TEX261: variants seen among roughly 807,000 people sequenced by gnomAD.
The protein encoded by TEX261 is protein TEX261.
TEX261 carries 13 observed loss-of-function variants against 25.1 expected under a neutral mutation model. The ratio of observed to expected loss-of-function variants is 0.52; its 90% CI spans 0.34 to 0.82. The LOEUF (loss-of-function observed/expected upper bound fraction) is 0.82. TEX261 is among the 40% of genes least tolerant of loss of function. TEX261 has a pLI of 0.02. For missense variants in TEX261, 206 were observed against 243.2 expected (o/e 0.85, Z 1.02); for synonymous variants, 92 against 97.8 (o/e 0.94, Z 0.35).
chr2:70,989,081 G>A lies in TEX261; in HGVS notation c.373-64C>T, dbSNP rs1670252321. 15 of 1,418,144 alleles carry A rather than the reference G, an allele frequency of 1.1e-5. No individual in the cohort carries two copies. In the South Asian group the frequency reaches 1.5e-4, roughly 14 times the overall value. The allele number at this position is 1,418,144 out of a possible 1,614,324, so 87.8% of individuals were successfully genotyped here. A position where few individuals can be genotyped will look rare whatever the true frequency, so the allele number is the denominator to read the frequency against. On this transcript the variant is annotated intron_variant, in intron 4 of 5. Coordinates refer to ENST00000272438, the MANE Select transcript of TEX261 (RefSeq NM_144582.3). ...GTGCCAAGAGTGGGCTGGGTGTGGT[G>A]ACTGCGTGTTGGTCAAGAGTGCACA...
chr2:70,993,285 A>C (rs1334853709), intron 2 of TEX261, among the ~76,000 whole-genome samples: 1 of 152,262 alleles, frequency 6.6e-6, no homozygotes, highest in Admixed American at 6.5e-5. Flanking sequence ...TCTTAGGACA[A>C]ATCACTTGAT....
intron 4 of TEX261, chr2:70,989,451 G>C: frequency 2.3e-6 from 1 of 436,334 alleles, no homozygotes; most frequent in Non-Finnish European, 4.2e-6. Context: ...CCTGCCCTGT[G>C]AGGACTGTGT....
chr2:70,988,826 G>T, intron 5 of TEX261, 89 bp downstream of exon 5: 1 of 1,536,374 alleles, frequency 6.5e-7, no homozygotes. Flanking sequence ...TCCAACACAG[G>T]GCTAGATTCA....
intron 1 of TEX261, 104 bp downstream of exon 1, chr2:70,994,584 G>A (rs886399022): frequency 3.4e-6 from 5 of 1,486,810 alleles, no homozygotes; most frequent in Admixed American, 2.0e-5. Flanking sequence ...CGGGAGCGCC[G>A]GGCAGTGGTC....
intron 2 of TEX261, among the ~76,000 whole-genome samples, chr2:70,992,788 T>C (rs1553425782): frequency 2.0e-5 from 3 of 151,936 alleles, no homozygotes; most frequent in Non-Finnish European, 4.4e-5. Context: ...CATATATACA[T>C]ATATATGATT....
chr2:70,993,287 T>G (rs1304374311), intron 2 of TEX261, among the ~76,000 whole-genome samples: 2 of 152,310 alleles, frequency 1.3e-5, no homozygotes, highest in East Asian at 3.9e-4. Context: ...TTAGGACAAA[T>G]CACTTGATCC....
In TEX261 at chr2:70,989,052, G is replaced by A. The variant is rs781917191; in HGVS notation, c.373-35C>T. ...AGAGAGACTGAGAAGAGGGTGCCCC[G>A]GAGGTGCCAAGAGTGGGCTGGGTGT... is the stretch of plus-strand genomic sequence containing the variant. On this transcript the variant is annotated intron_variant, in intron 4 of 5. Coordinates refer to ENST00000272438, the MANE Select transcript of TEX261 (RefSeq NM_144582.3). 21 of 1,584,334 alleles carry A rather than the reference G, an allele frequency of 1.3e-5. 1 individual carries two copies. The highest frequency in any genetic ancestry group is 3.4e-5 in the South Asian group (3 of 88,206).
At chr2:70,990,216 C>T (rs1212907625) in intron 3 of TEX261, among the ~76,000 whole-genome samples, 7 of 152,062 alleles carry the variant, frequency 4.6e-5, no homozygotes, top group African/African-American at 7.2e-5. Flanking sequence ...ACTCCAAACT[C>T]GCAGCAAGGA....
intron 4 of TEX261, chr2:70,989,478 A>G: frequency 2.1e-6 from 1 of 474,662 alleles, no homozygotes; most frequent in South Asian, 2.2e-5. Context: ...AGGTCACCCT[A>G]GTACCCCTTC....
rs367921588 is a variant in TEX261, at chr2:70,988,942, C to A, written c.448G>T (p.Val150Phe). Residue 150 changes from valine (V) to phenylalanine (F), a missense_variant, in exon 5 of 6, where the codon GTC becomes TTC. Val to Phe is a conservative substitution (Grantham distance 50). Coordinates refer to ENST00000272438, the MANE Select transcript of TEX261 (RefSeq NM_144582.3). Reference protein sequence around the residue: ...FFVSLSAGENVLPSTMQPGDD... With the variant: ...FFVSLSAGENFLPSTMQPGDD... ...CCTGGCTGCATGGTAGAGGGCAGGA[C>A]GTTCTCCCCGGCCGAAAGTGACACA... is the stretch of plus-strand genomic sequence containing the variant. 4 of 1,613,998 alleles carry A rather than the reference C, an allele frequency of 2.5e-6. No homozygotes were observed. Among genetic ancestry groups the A allele is most frequent in the Non-Finnish European group, 3.4e-6 (4 of 1,180,018 alleles).
At chr2:70,989,131 G>A (rs1670253217) in intron 4 of TEX261, 114 bp from the exon 5 acceptor site, 2 of 875,054 alleles carry the variant, frequency 2.3e-6, no homozygotes, top group Admixed American at 4.1e-5. Context: ...ATCTCCAAAG[G>A]GGGCCCAGGC....
chr2:70,990,991 C>A (rs1558693381), intron 3 of TEX261, among the ~76,000 whole-genome samples: 1 of 152,290 alleles, frequency 6.6e-6, no homozygotes, highest in Admixed American at 6.5e-5. Flanking sequence ...ACCCTCCAGG[C>A]TCTCTCATAG....
At position 70,994,844 on chromosome 2, in the gene TEX261, G is replaced by GCCGCCGCGTCCCCGCCC; in HGVS notation, c.-104_-88dup. 8.0e-7 allele frequency: 1 copy of GCCGCCGCGTCCCCGCCC among 1,247,488 alleles called. No homozygotes were observed. The highest frequency in any genetic ancestry group is 1.0e-6 in the Non-Finnish European group (1 of 993,122). The allele number at this position is 1,247,488 out of a possible 1,614,324, so 77.3% of individuals were successfully genotyped here. ...ACACACAGCCGCCACCGCCGCCGCC[G>GCCGCCGCGTCCCCGCCC]CCGCCGCGTCCCCGCCCCGCGGACG... On this transcript the variant is annotated 5_prime_UTR_variant, in exon 1 of 6. Transcript: ENST00000272438.
chr2:70,988,746 G>C (rs1417552556), intron 5 of TEX261, 31 bp from the exon 6 acceptor site: 1 of 1,585,376 alleles, frequency 6.3e-7, no homozygotes, highest in Non-Finnish European at 8.7e-7. Context: ...ATATGAGAGA[G>C]AGAGAGAGTG....
chr2:70,993,163 G>T (rs1251106501), intron 2 of TEX261, among the ~76,000 whole-genome samples: 8 of 152,220 alleles, frequency 5.3e-5, no homozygotes, highest in African/African-American at 1.9e-4. Flanking sequence ...AAGGAAGTCT[G>T]TCCACCAGCA....
rs1335414820 is a variant in TEX261 at position 70,988,102 on chromosome 2, G to A, written c.*498C>T. 1.2e-5 allele frequency: 2 copies of A among 164,536 alleles called. No homozygotes were observed. Among genetic ancestry groups the A allele is most frequent in the Non-Finnish European group, 2.7e-5 (2 of 74,768 alleles). The allele number at this position is 164,536 out of a possible 1,614,324, so 10.2% of individuals were successfully genotyped here. A position where few individuals can be genotyped will look rare whatever the true frequency, so the allele number is the denominator to read the frequency against. On this transcript the variant is annotated 3_prime_UTR_variant, in exon 6 of 6. Coordinates refer to ENST00000272438, the MANE Select transcript of TEX261 (RefSeq NM_144582.3). The stretch of plus-strand genomic sequence containing the variant: ...GAAGAAAGGAAGATGAACTGTCAGG[G>A]TATTAAGGCAAACAGTGCCACCTAG...
intron 3 of TEX261, 73 bp downstream of exon 3, chr2:70,991,757 C>G: frequency 6.5e-7 from 1 of 1,542,028 alleles, no homozygotes. Context: ...TTTCTGTATC[C>G]CCTTTAGTGC....
chr2:70,989,154 G>C, intron 4 of TEX261, 137 bp from the exon 5 acceptor site: 1 of 709,836 alleles, frequency 1.4e-6, no homozygotes, highest in Admixed American at 2.3e-5. Flanking sequence ...GGGAAGCAGG[G>C]AACGCCACCC....
rs782397941 is a variant in TEX261, at chr2:70,988,527, G to C, written c.*73C>G. On this transcript the variant is annotated 3_prime_UTR_variant, in exon 6 of 6. Coordinates refer to ENST00000272438, the MANE Select transcript of TEX261 (RefSeq NM_144582.3). ...GTGGTAGGTGCCTTCCCGACTTCTG[G>C]TCCCCACCTGGCATAGAGGCCCAGG... 2 of 1,237,906 alleles carry C rather than the reference G, an allele frequency of 1.6e-6. No individual in the cohort carries two copies. Among genetic ancestry groups the C allele is most frequent in the Non-Finnish European group, 2.4e-6 (2 of 841,430 alleles). 76.7% of individuals were successfully genotyped at this position (1,237,906 alleles called of 1,614,324 possible). A position where few individuals can be genotyped will look rare whatever the true frequency, so the allele number is the denominator to read the frequency against.
Sources: allele counts gnomAD v4.1 joint callset (sites outside exome capture counted in the v4.1 genomes callset), GRCh38; gene constraint gnomAD v4.1.1; transcripts MANE v1.5; gene names NCBI Gene and HGNC (gene_info 2026-07-23, HGNC 2026-07-21).